GSN: variants seen among roughly 807,000 people sequenced by gnomAD.
GSN encodes the protein gelsolin.
GSN carries 56 observed loss-of-function variants against 85.7 expected under a neutral mutation model. The ratio of observed to expected loss-of-function variants is 0.65; its 90% CI spans 0.53 to 0.82. The LOEUF (loss-of-function observed/expected upper bound fraction) is 0.82, where lower values mean the gene tolerates loss of function less well. GSN is among the 40% of genes least tolerant of loss of function. The probability of loss-of-function intolerance (pLI) is 0.00; values close to 1 mark genes in which losing one functional copy is unlikely to be tolerated. For synonymous variants in GSN, 373 were observed against 399.1 expected (o/e 0.93, Z 0.78); for missense variants, 857 against 979.8 (o/e 0.87, Z 1.67).
At position 121,318,606 on chromosome 9, in the gene GSN, C is replaced by G. The variant is rs1049987059; in HGVS notation, c.976-59C>G. On this transcript the variant is annotated intron_variant, in intron 9 of 17. Transcript: ENST00000432226. The surrounding 1 kb of genome is among the most constrained non-coding windows in gnomAD (Gnocchi z 4.3). ...GTGTGGATGGGGTATCTGAGGCTCCCCTGGGGACCCCTGCTGGGCAGCCCA... is the reference window on the plus strand; with the variant it reads ...GTGTGGATGGGGTATCTGAGGCTCCGCTGGGGACCCCTGCTGGGCAGCCCA... 6.7e-7 allele frequency: 1 copy of G among 1,495,446 alleles called. No homozygotes were observed. Among genetic ancestry groups the G allele is most frequent in the African/African-American group, 1.4e-5 (1 of 72,704 alleles). 92.6% of individuals were successfully genotyped at this position (1,495,446 alleles called of 1,614,324 possible).
upstream of GSN, among the ~76,000 whole-genome samples, chr9:121,207,066 A>G (rs2053892675): frequency 6.6e-6 from 1 of 152,250 alleles, no homozygotes. Flanking sequence ...TTGATATCTA[A>G]ATTATTTCTT....
chr9:121,328,199 C>A (rs1431066621), intron 14 of GSN, among the ~76,000 whole-genome samples: 1 of 152,186 alleles, frequency 6.6e-6, no homozygotes, highest in Non-Finnish European at 1.5e-5. Context: ...CTTCTGCCAG[C>A]CTGCAGTCTT....
At chr9:121,289,394 C>T (rs896803515) in intron 2 of GSN, among the ~76,000 whole-genome samples, 10 of 152,216 alleles carry the variant, frequency 6.6e-5, no homozygotes, top group Middle Eastern at 3.4e-3. Flanking sequence ...GGGTGAAAGC[C>T]GGGTAATTTT....
chr9:121,309,042 C>G (rs748286706), intron 4 of GSN: 2 of 152,276 alleles, frequency 1.3e-5, no homozygotes, highest in African/African-American at 4.8e-5. Context: ...GCTTCCACCC[C>G]CATGTGTCTC....
chr9:121,262,556 C>G (rs2132281853), intron 6 of GSN, among the ~76,000 whole-genome samples: 1 of 152,322 alleles, frequency 6.6e-6, no homozygotes. Context: ...GGCAGTTTTG[C>G]TCTTTCCTGA....
rs750961577 is a variant in GSN at position 121,314,018 on chromosome 9, T to C, written c.748T>C (p.Tyr250His). Residue 250 changes from tyrosine to histidine, a missense_variant, in exon 7 of 18, where the codon TAC (tyrosine) becomes CAC (histidine). Transcript: ENST00000432226. ...GGCCAACCGCAAGCTGGCCAAGCTC[T>C]ACAAGGTGAGCACCAGATGCACTGT... ...DAANRKLAKLYKVSNGAGTMS... is the reference protein window; with the variant it reads ...DAANRKLAKLHKVSNGAGTMS... 1.9e-6 allele frequency: 3 copies of C among 1,611,916 alleles called. No individual in the cohort carries two copies. The Admixed American group carries it at 5.0e-5, about 27-fold the overall frequency.
chr9:121,326,181 T>C (rs2063142729), intron 12 of GSN, among the ~76,000 whole-genome samples: 1 of 151,232 alleles, frequency 6.6e-6, no homozygotes, highest in African/African-American at 2.4e-5. Context: ...TCTGGAAGAA[T>C]GTCCACCAGC....
chr9:121,253,831 T>C (rs1431089088), intron 6 of GSN, among the ~76,000 whole-genome samples: 2 of 152,212 alleles, frequency 1.3e-5, no homozygotes, highest in Admixed American at 6.5e-5. Context: ...TCTTTGCTGG[T>C]TCCATTCACC....
chr9:121,305,265 C>T (rs186347341), intron 4 of GSN, among the ~76,000 whole-genome samples: 132 of 152,252 alleles, frequency 8.7e-4, no homozygotes, highest in African/African-American at 3.1e-3. Flanking sequence ...GGTAATGCTC[C>T]ATTTCATAGA....
chr9:121,327,212 C>G, intron 13 of GSN, 96 bp from the exon 14 acceptor site: 2 of 1,010,062 alleles, frequency 2.0e-6, no homozygotes, highest in Non-Finnish European at 1.6e-6. Flanking sequence ...AAGTCCCCAC[C>G]TGAGAGCTAG....
chr9:121,258,796 A>G (rs1382203652), intron 6 of GSN, among the ~76,000 whole-genome samples: 1 of 152,240 alleles, frequency 6.6e-6, no homozygotes, highest in Non-Finnish European at 1.5e-5. Flanking sequence ...TCAAATAGTA[A>G]AAGTAAAAAA....
intron 5 of GSN, among the ~76,000 whole-genome samples, chr9:121,241,225 G>A (rs1382040452): frequency 1.3e-5 from 2 of 152,192 alleles, no homozygotes; most frequent in Non-Finnish European, 2.9e-5. Flanking sequence ...CTCCTTGGAG[G>A]CGTAAAAGAC....
At chr9:121,306,100 G>A (rs931904908) in intron 4 of GSN, among the ~76,000 whole-genome samples, 10 of 152,002 alleles carry the variant, frequency 6.6e-5, no homozygotes, top group Non-Finnish European at 8.8e-5. Context: ...CTCCCACTCC[G>A]CAGACCCCCA....
chr9:121,278,320 G>T (rs2056915053), intron 1 of GSN, among the ~76,000 whole-genome samples: 1 of 152,142 alleles, frequency 6.6e-6, no homozygotes, highest in African/African-American at 2.4e-5. Flanking sequence ...GATAACTATT[G>T]TTATTAGGGG....
intron 14 of GSN, 137 bp from the exon 15 acceptor site, chr9:121,328,754 C>A: frequency 1.1e-6 from 1 of 940,724 alleles, no homozygotes; most frequent in South Asian, 1.4e-5. Flanking sequence ...CCCTCTGGAT[C>A]TCCTGGGATT....
intron 13 of GSN, chr9:121,326,938 C>T: frequency 1.5e-6 from 1 of 683,846 alleles, no homozygotes; most frequent in Non-Finnish European, 2.7e-6. Context: ...ATCAGCATGC[C>T]ATTCCTGATT....
At chr9:121,203,872 C>G (rs1335149744), upstream of GSN, among the ~76,000 whole-genome samples, 6 of 152,316 alleles carry the variant, frequency 3.9e-5, no homozygotes, top group Admixed American at 2.6e-4. Context: ...ATAATCTAAT[C>G]TAAGGTGATA....
At chr9:121,241,701 A>G (rs2054608756) in intron 5 of GSN, among the ~76,000 whole-genome samples, 1 of 152,254 alleles carries the variant, frequency 6.6e-6, no homozygotes. Context: ...TCACAATGCA[A>G]AAGGAGTCCA....
rs2061257961 is a variant in GSN, at chr9:121,312,428, G to A, written c.603G>A (p.Arg201=). ...CCAAGGGCATCCGGGACAACGAGCG[G>A]AGTGGCCGGGCCCGAGTGCACGTGT... The part of the protein sequence containing the change: ...QVSKGIRDNE[R]SGRARVHVSE... Residue 201 remains arginine, a synonymous_variant, in exon 6 of 18, where the codon CGG becomes CGA. Coordinates refer to ENST00000432226, the MANE Select transcript of GSN (RefSeq NM_198252.3). 1 of 1,614,060 alleles carries A rather than the reference G, an allele frequency of 6.2e-7. No homozygotes were observed. Among genetic ancestry groups the A allele is most frequent in the African/African-American group, 1.3e-5 (1 of 74,950 alleles).
Sources: gnomAD v4.1 joint callset for allele counts (sites outside exome capture counted in the v4.1 genomes callset) on GRCh38, gnomAD v4.1.1 for gene constraint, Gnocchi (gnomAD v3.1) non-coding constraint, MANE v1.5 for transcripts, NCBI Gene and HGNC (gene_info 2026-07-23, HGNC 2026-07-21) for gene names.